The following MRPS28 variants were observed in gnomAD, a reference collection of about 807,000 sequenced individuals.
The protein encoded by MRPS28 is small ribosomal subunit protein bS1m.
MRPS28 carries 7 observed loss-of-function variants against 10.8 expected under a neutral mutation model. That is an observed-to-expected ratio of 0.65 (90% confidence interval 0.37 to 1.22). The LOEUF (loss-of-function observed/expected upper bound fraction) is 1.22, where lower values mean the gene tolerates loss of function less well. Among genes scored for constraint, MRPS28 ranks in the 50% most tolerant of loss-of-function variants. The probability of loss-of-function intolerance (pLI) is 0.02; values close to 1 mark genes in which losing one functional copy is unlikely to be tolerated. For missense variants in MRPS28, 265 were observed against 232.9 expected, an observed-to-expected ratio of 1.14 and a Z score of -0.90; for synonymous variants, 121 against 93.3, an observed-to-expected ratio of 1.30 and a Z score of -1.71.
Position 80,027,606 on chromosome 8 carries a change from C to T in MRPS28, c.213+2430G>A, listed in dbSNP as rs963149232. Among the ~76,000 whole-genome samples, 4 of 152,310 alleles carry T rather than the reference C, an allele frequency of 2.6e-5. No individual in the cohort carries two copies. In the East Asian group the frequency reaches 5.8e-4, roughly 22 times the overall value. On this transcript the variant is annotated intron_variant, in intron 1 of 2. Transcript: ENST00000276585. ...CCAACTTTAGGAAGATAACTTGATC[C>T]ACAGTGTGTGTAATGACCTGAACCA...
chr8:80,010,947 C>T lies in MRPS28; in HGVS notation c.214-7767G>A, dbSNP rs1256809993. ...GGAATGTATGCCATGAGCAATCATACTAGTTTTATAAATCCACAAAATACA... is the reference window on the plus strand; with the variant it reads ...GGAATGTATGCCATGAGCAATCATATTAGTTTTATAAATCCACAAAATACA... On this transcript the variant is annotated intron_variant, in intron 1 of 2. Coordinates refer to ENST00000276585, the MANE Select transcript of MRPS28 (RefSeq NM_014018.3). Among the ~76,000 whole-genome samples, 3 of 152,212 alleles carry T rather than the reference C, an allele frequency of 2.0e-5. No individual in the cohort carries two copies. In the East Asian group the frequency reaches 5.8e-4, roughly 29 times the overall value.
At chr8:79,934,756 A>T (rs1389122859) in intron 2 of MRPS28, among the ~76,000 whole-genome samples, 1 of 152,266 alleles carries the variant, frequency 6.6e-6, no homozygotes, top group Non-Finnish European at 1.5e-5. Flanking sequence ...CATGTAAATC[A>T]GCACTTTCTA....
chr8:80,028,844 AC>A (rs1809567287), intron 1 of MRPS28: 1 of 153,724 alleles, frequency 6.5e-6, no homozygotes, highest in African/African-American at 2.4e-5. Flanking sequence ...GGTGGTGCAC[AC>A]CTGCGGTCCC....
intron 2 of MRPS28, among the ~76,000 whole-genome samples, chr8:79,943,590 T>C (rs1472132978): frequency 2.6e-5 from 4 of 152,246 alleles, no homozygotes; most frequent in African/African-American, 4.8e-5. Context: ...AACAGTGTTA[T>C]AATGTTTTGA....
intron 1 of MRPS28, among the ~76,000 whole-genome samples, chr8:80,016,237 A>G (rs1809191463): frequency 6.6e-6 from 1 of 152,156 alleles, no homozygotes; most frequent in Non-Finnish European, 1.5e-5. Flanking sequence ...CTAGGCATAT[A>G]GTATCATTTT....
At chr8:79,929,570 A>C in intron 2 of MRPS28, among the ~76,000 whole-genome samples, 1 of 152,212 alleles carries the variant, frequency 6.6e-6, no homozygotes, top group East Asian at 1.9e-4. Context: ...AATATTAAAA[A>C]GGTGACGGTA....
intron 1 of MRPS28, among the ~76,000 whole-genome samples, chr8:80,011,407 A>ATT (rs11424455): frequency 0.013 from 1,851 of 146,792 alleles, 23 homozygotes; most frequent in South Asian, 0.046. Flanking sequence ...CGCTTTGGCT[A>ATT]TTTTTTTTTT....
intron 2 of MRPS28, among the ~76,000 whole-genome samples, chr8:79,966,215 G>A (rs1807498341): frequency 6.6e-6 from 1 of 151,934 alleles, no homozygotes; most frequent in Non-Finnish European, 1.5e-5. Flanking sequence ...ACTGAAGCTG[G>A]GTTTTGCAGA....
intron 2 of MRPS28, among the ~76,000 whole-genome samples, chr8:79,999,187 T>G (rs2130147864): frequency 6.6e-6 from 1 of 152,342 alleles, no homozygotes; most frequent in South Asian, 2.1e-4. Context: ...TAGAAGCTGC[T>G]CAGTCAGAGG....
chr8:80,018,574 G>A (rs1052852543), intron 1 of MRPS28, among the ~76,000 whole-genome samples: 2 of 152,108 alleles, frequency 1.3e-5, no homozygotes, highest in African/African-American at 4.8e-5. Flanking sequence ...AAAACAGTTT[G>A]AAGTTCCACA....
At chr8:80,029,956 G>A in intron 1 of MRPS28, 80 bp downstream of exon 1, 1 of 1,545,860 alleles carries the variant, frequency 6.5e-7, no homozygotes, top group Non-Finnish European at 8.7e-7. Flanking sequence ...CCTAAGCCAG[G>A]CTCCGCCCCT....
intron 1 of MRPS28, among the ~76,000 whole-genome samples, chr8:80,018,373 C>G (rs1332914065): frequency 6.6e-6 from 1 of 150,574 alleles, no homozygotes; most frequent in African/African-American, 2.5e-5. Flanking sequence ...GGCAAACAGG[C>G]TTATGAAAAA....
intron 2 of MRPS28, among the ~76,000 whole-genome samples, chr8:79,972,856 G>A (rs566366927): frequency 1.3e-5 from 2 of 152,204 alleles, no homozygotes; most frequent in East Asian, 3.9e-4. Context: ...TCACACAAGG[G>A]CTATAGATAA....
intron 2 of MRPS28, among the ~76,000 whole-genome samples, chr8:79,961,904 C>A (rs1807379485): frequency 6.6e-6 from 1 of 152,134 alleles, no homozygotes; most frequent in Non-Finnish European, 1.5e-5. Flanking sequence ...AAAATACTGA[C>A]CAGCATGCCA....
intron 2 of MRPS28, among the ~76,000 whole-genome samples, chr8:79,988,462 AAAG>A (rs1446928780): frequency 1.2e-4 from 18 of 151,278 alleles, no homozygotes; most frequent in Non-Finnish European, 2.2e-4. Context: ...AAAATTAAAA[AAAG>A]AAAGAAACCT....
At chr8:79,973,587 C>T (rs1048508881) in intron 2 of MRPS28, among the ~76,000 whole-genome samples, 2 of 152,150 alleles carry the variant, frequency 1.3e-5, no homozygotes, top group Non-Finnish European at 2.9e-5. Context: ...GGAGTAGCTA[C>T]AACTACAGGC....
intron 2 of MRPS28, among the ~76,000 whole-genome samples, chr8:79,925,557 T>A (rs1234059122): frequency 6.6e-6 from 1 of 152,206 alleles, no homozygotes; most frequent in Non-Finnish European, 1.5e-5. Flanking sequence ...TTATAAAATG[T>A]GAAAATGGAG....
rs148378996 is a variant in MRPS28 at position 79,928,915 on chromosome 8, G to A, written c.396-9767C>T. 8.7e-3 allele frequency among the ~76,000 whole-genome samples: 1,329 copies of A among 152,120 alleles called. 27 individuals carry two copies. The highest frequency in any genetic ancestry group is 0.03 in the African/African-American group (1,263 of 41,546). ...ACAAAAATTAGCTGGGCGTGGTGGC[G>A]CATGCCTGTAGTCCCAGCTACTTGA... On this transcript the variant is annotated intron_variant, in intron 2 of 2. Coordinates refer to ENST00000276585, the MANE Select transcript of MRPS28 (RefSeq NM_014018.3).
chr8:80,026,914 GA>G lies in MRPS28; in HGVS notation c.213+3121del, dbSNP rs61156883. Among the ~76,000 whole-genome samples the G allele has an allele frequency of 3.8e-3, 571 of 151,900 alleles. 3 individuals are homozygous for G. The highest frequency in any genetic ancestry group is 9.6e-3 in the African/African-American group (398 of 41,412). ...ATAGCATTTTATATTCATTCATTAA[GA>G]AAAAAAATTATTTTTTAGAGTACTT... On this transcript the variant is annotated intron_variant, in intron 1 of 2. Coordinates refer to ENST00000276585, the MANE Select transcript of MRPS28 (RefSeq NM_014018.3).
Sources: gnomAD v4.1 joint callset for allele counts (sites outside exome capture counted in the v4.1 genomes callset) on GRCh38, gnomAD v4.1.1 for gene constraint, MANE v1.5 for transcripts, NCBI Gene and HGNC (gene_info 2026-07-23, HGNC 2026-07-21) for gene names.